Variants in CNTNAP5 observed in about 807,000 individuals in gnomAD.
CNTNAP5 encodes the protein contactin associated protein family member 5.
Under a neutral mutation model 150.2 loss-of-function variants are expected in CNTNAP5, and 72 were observed. That is an observed-to-expected ratio of 0.48 (90% CI 0.40 to 0.58). The LOEUF is 0.58. Ranked by LOEUF, CNTNAP5 falls within the 20% of genes least tolerant of loss-of-function variation. CNTNAP5 has a pLI of 0.00. For missense variants in CNTNAP5, 1,636 were observed against 1,626.2 expected, an observed-to-expected ratio of 1.01 and a Z score of -0.10; for synonymous variants, 672 against 619.8, an observed-to-expected ratio of 1.08 and a Z score of -1.25.
intron 6 of CNTNAP5, among the ~76,000 whole-genome samples, chr2:124,456,817 A>G (rs1693129632): frequency 6.6e-6 from 1 of 152,220 alleles, no homozygotes; most frequent in Admixed American, 6.5e-5. Flanking sequence ...AAGTGGAGAA[A>G]GGTCACCCTA....
chr2:124,479,198 T>C (rs1307855724), intron 7 of CNTNAP5, among the ~76,000 whole-genome samples: 1 of 152,158 alleles, frequency 6.6e-6, no homozygotes, highest in Non-Finnish European at 1.5e-5. Flanking sequence ...AAATGGCCCA[T>C]TGAAGTGTGT....
chr2:124,706,900 G>GGAGAAGGAGAAGAGGAAGAGGAAGAAC (rs1679668618), intron 13 of CNTNAP5, among the ~76,000 whole-genome samples: 3 of 11,980 alleles, frequency 2.5e-4, no homozygotes, highest in Non-Finnish European at 5.6e-4. Flanking sequence ...AGAGGAAGAA[G>GGAGAAGGAGAAGAGGAAGAGGAAGAAC]AAGGAGGAGG....
chr2:124,565,473 G>T (rs895890241), intron 11 of CNTNAP5, among the ~76,000 whole-genome samples: 1 of 149,330 alleles, frequency 6.7e-6, no homozygotes, highest in African/African-American at 2.5e-5. Context: ...CACCTACTAT[G>T]ACCCACAAAA....
chr2:124,683,523 G>A (rs1679118312), intron 13 of CNTNAP5, among the ~76,000 whole-genome samples: 2 of 152,074 alleles, frequency 1.3e-5, no homozygotes, highest in Admixed American at 1.3e-4. Flanking sequence ...GTAGTCTTTT[G>A]TCTCTTACCT....
chr2:124,208,767 A>C (rs943068280), intron 1 of CNTNAP5, among the ~76,000 whole-genome samples: 1 of 152,214 alleles, frequency 6.6e-6, no homozygotes, highest in African/African-American at 2.4e-5. Flanking sequence ...AACTAAAAAC[A>C]TTCTCGTGTT....
chr2:124,180,314 G>A (rs746463714), intron 1 of CNTNAP5, among the ~76,000 whole-genome samples: 2 of 152,070 alleles, frequency 1.3e-5, no homozygotes, highest in East Asian at 1.9e-4. Flanking sequence ...TTCTGGAAGC[G>A]CTTGGTGGAA....
At chr2:124,297,956 T>C (rs1252781502) in intron 3 of CNTNAP5, among the ~76,000 whole-genome samples, 2 of 151,850 alleles carry the variant, frequency 1.3e-5, no homozygotes, top group African/African-American at 4.8e-5. Context: ...GCGATTCTCC[T>C]GCCTCAGCCT....
intron 1 of CNTNAP5, among the ~76,000 whole-genome samples, chr2:124,041,232 T>G (rs1681363438): frequency 6.6e-6 from 1 of 152,258 alleles, no homozygotes; most frequent in Non-Finnish European, 1.5e-5. Context: ...AGTAAAGATT[T>G]CTATGTCTTC....
At chr2:124,220,359 A>C (rs770307469) in intron 1 of CNTNAP5, among the ~76,000 whole-genome samples, 41 of 152,100 alleles carry the variant, frequency 2.7e-4, no homozygotes, top group Non-Finnish European at 5.6e-4. Flanking sequence ...TGGCTGGTAG[A>C]TTGACTGATC....
At chr2:124,620,107 G>A (rs13417879) in intron 12 of CNTNAP5, among the ~76,000 whole-genome samples, 1 of 151,536 alleles carries the variant, frequency 6.6e-6, no homozygotes. Context: ...TCCCCACAGG[G>A]CTGTGAGCTC....
Position 124,474,883 on chromosome 2 carries a change from G to T in CNTNAP5, c.1062+1G>T. 1 of 1,594,368 alleles carries T rather than the reference G, an allele frequency of 6.3e-7. No homozygotes were observed. Among genetic ancestry groups the T allele is most frequent in the Non-Finnish European group, 8.5e-7 (1 of 1,173,994 alleles). ...ACGAAAGCATCAGATCTATACTGTG[G>T]TAAGTCAGCCCATCTGTTTTGTCTT... On this transcript the variant is annotated splice_donor_variant, in intron 7 of 23. Transcript: ENST00000682447. LOFTEE classifies it high-confidence loss of function.
chr2:124,069,288 T>C (rs1682240870), intron 1 of CNTNAP5, among the ~76,000 whole-genome samples: 1 of 152,108 alleles, frequency 6.6e-6, no homozygotes, highest in South Asian at 2.1e-4. Flanking sequence ...AGGAAGGACT[T>C]TGTCCTGTGG....
chr2:124,186,509 TG>T (rs1325711366), intron 1 of CNTNAP5, among the ~76,000 whole-genome samples: 1 of 152,214 alleles, frequency 6.6e-6, no homozygotes, highest in Non-Finnish European at 1.5e-5. Flanking sequence ...TACTTGTGTA[TG>T]TACATGTGTA....
intron 17 of CNTNAP5, among the ~76,000 whole-genome samples, chr2:124,786,394 AGAAAGAAGGAAG>A (rs1361092361): frequency 5.7e-3 from 350 of 61,918 alleles, no homozygotes; most frequent in African/African-American, 0.011. Context: ...AAAGAAAGAA[AGAAAGAAGGAAG>A]GAAGGAAGGA....
intron 8 of CNTNAP5, among the ~76,000 whole-genome samples, chr2:124,510,313 C>CTATATATATATATA (rs1694542064): frequency 1.8e-5 from 1 of 54,280 alleles, no homozygotes; most frequent in African/African-American, 6.7e-5. Context: ...ATATATATAT[C>CTATATATATATATA]TATATATCTA....
chr2:124,597,033 CT>C (rs1696843641), intron 11 of CNTNAP5, among the ~76,000 whole-genome samples: 1 of 2,782 alleles, frequency 3.6e-4, no homozygotes, highest in African/African-American at 3.7e-4. Context: ...CTATGTGTGT[CT>C]CTGTACGTGA....
intron 11 of CNTNAP5, among the ~76,000 whole-genome samples, chr2:124,574,435 C>T (rs188090459): frequency 1.2e-3 from 180 of 152,324 alleles, no homozygotes; most frequent in African/African-American, 4.2e-3. Flanking sequence ...TTATAATATT[C>T]TAGCCTAAAA....
chr2:124,080,068 T>A (rs752045574), intron 1 of CNTNAP5, among the ~76,000 whole-genome samples: 52 of 152,344 alleles, frequency 3.4e-4, no homozygotes, highest in Non-Finnish European at 6.0e-4. Context: ...ATGTAATTTT[T>A]GTTTAATATG....
chr2:124,195,919 G>T (rs1186991675), intron 1 of CNTNAP5, among the ~76,000 whole-genome samples: 1 of 152,142 alleles, frequency 6.6e-6, no homozygotes, highest in Non-Finnish European at 1.5e-5. Flanking sequence ...GCAGAGTGCT[G>T]CCAAATTGCC....
Sources: gnomAD v4.1 joint callset for allele counts (sites outside exome capture counted in the v4.1 genomes callset) on GRCh38, gnomAD v4.1.1 for gene constraint, MANE v1.5 for transcripts, NCBI Gene and HGNC (gene_info 2026-07-23, HGNC 2026-07-21) for gene names.